The following PRIM2 variants were observed in gnomAD, a reference collection of about 807,000 sequenced individuals.
The protein encoded by PRIM2 is DNA primase large subunit.
In PRIM2, 39 loss-of-function variants were observed where a neutral mutation model predicts 67.3. That is an observed-to-expected ratio of 0.58 (90% CI 0.45 to 0.76). The LOEUF (loss-of-function observed/expected upper bound fraction) is 0.76, where lower values mean the gene tolerates loss of function less well. Ranked by LOEUF, PRIM2 falls within the 30% of genes least tolerant of loss-of-function variation. The pLI, the probability that PRIM2 is intolerant of heterozygous loss-of-function variation, is 0.00. For missense variants in PRIM2, 398 were observed against 598.7 expected, an observed-to-expected ratio of 0.66 and a Z score of 3.50; for synonymous variants, 143 against 198.7, an observed-to-expected ratio of 0.72 and a Z score of 2.36.
At chr6:57,336,063 C>T (rs1171829715) in intron 5 of PRIM2, among the ~76,000 whole-genome samples, 1 of 152,018 alleles carries the variant, frequency 6.6e-6, no homozygotes, top group African/African-American at 2.4e-5. Context: ...GTGAAGAATG[C>T]AGAAGCCTCA....
At chr6:57,273,322 A>G in the PRIM2 span, among the ~76,000 whole-genome samples, 1 of 151,988 alleles carries the variant, frequency 6.6e-6, no homozygotes, top group South Asian at 2.1e-4. Flanking sequence ...GGCTTTGTTC[A>G]TTTCTTTTTA....
chr6:57,226,618 T>G, the PRIM2 span, among the ~76,000 whole-genome samples: 1 of 152,228 alleles, frequency 6.6e-6, no homozygotes, highest in Non-Finnish European at 1.5e-5. Flanking sequence ...GATTTTTTAG[T>G]GCACAGACTA....
chr6:57,320,576 A>G lies in PRIM2; in HGVS notation c.258+16A>G. On this transcript the variant is annotated intron_variant, in intron 3 of 13. Transcript: ENST00000615550. ...TTCCTACAGAGTAAGTAAAAAAGGA[A>G]AAAAAAGTTCCTTCAGTTTCTATGC... 1 of 1,533,842 alleles carries G rather than the reference A, an allele frequency of 6.5e-7. No individual in the cohort carries two copies.
chr6:57,646,150 G>C lies in PRIM2; in HGVS notation c.1522G>C (p.Asp508His). The C allele has an allele frequency of 6.4e-7, 1 of 1,573,076 alleles. No individual in the cohort carries two copies. Among genetic ancestry groups the C allele is most frequent in the South Asian group, 1.1e-5 (1 of 89,810 alleles). Residue 508 changes from aspartate to histidine, a missense_variant, in exon 14 of 14, where the codon GAT becomes CAT. Coordinates refer to ENST00000615550, the MANE Select transcript of PRIM2 (RefSeq NM_000947.5). ...AGGACTAGAAGATTACTTTAGTGAA[G>C]ATTCTTAGGCAGTTTTATAACCCTT... ...MEGLEDYFSE[D>H]S
chr6:57,417,897 G>A (rs1435741425), intron 7 of PRIM2, among the ~76,000 whole-genome samples: 1 of 150,350 alleles, frequency 6.7e-6, no homozygotes, highest in Non-Finnish European at 1.5e-5. Flanking sequence ...GTGAAATGAG[G>A]TATGCTTGCA....
At chr6:57,458,038 T>C (rs956468138) in intron 7 of PRIM2, among the ~76,000 whole-genome samples, 1 of 152,236 alleles carries the variant, frequency 6.6e-6, no homozygotes, top group South Asian at 2.1e-4. Context: ...TACACAGTTC[T>C]TTCGTTTTCT....
At position 57,427,543 on chromosome 6, in the gene PRIM2, C is replaced by T. The variant is rs6934723; in HGVS notation, c.693+45375C>T. Among the ~76,000 whole-genome samples the T allele has an allele frequency of 5.0e-3, 762 of 152,308 alleles. 9 individuals are homozygous for T. The highest frequency in any genetic ancestry group is 0.017 in the African/African-American group (722 of 41,566). ...ATGTTGGCCAGGCTGGTCTCGAACT[C>T]CTGACCTCAAGCAATCCACCTACCT... On this transcript the variant is annotated intron_variant, in intron 7 of 13. Coordinates refer to ENST00000615550, the MANE Select transcript of PRIM2 (RefSeq NM_000947.5).
At chr6:57,223,945 T>A in the PRIM2 span, among the ~76,000 whole-genome samples, 1 of 152,166 alleles carries the variant, frequency 6.6e-6, no homozygotes, top group South Asian at 2.1e-4. Context: ...AGAATTATCG[T>A]ATGATTAAAT....
At chr6:57,242,204 C>A in the PRIM2 span, among the ~76,000 whole-genome samples, 4 of 152,234 alleles carry the variant, frequency 2.6e-5, no homozygotes, top group South Asian at 6.2e-4. Context: ...GTAAATAATT[C>A]TTTCTTTCTT....
intron 12 of PRIM2, among the ~76,000 whole-genome samples, chr6:57,627,257 G>A (rs1215658077): frequency 1.0e-5 from 1 of 98,408 alleles, no homozygotes; most frequent in African/African-American, 4.1e-5. Flanking sequence ...TCCAGCCTGG[G>A]TGACAGAGTG....
rs1775027133 is a variant in PRIM2 at position 57,537,609 on chromosome 6, A to G, written c.1004A>G (p.Lys335Arg). 10 of 1,549,122 alleles carry G rather than the reference A, an allele frequency of 6.5e-6. No individual in the cohort carries two copies. Among genetic ancestry groups the G allele is most frequent in the Admixed American group, 1.9e-5 (1 of 53,638 alleles). The change falls in exon 10 of 14, where the codon AAG becomes AGG. Residue 335 changes from lysine (K) to arginine (R), a missense_variant. Coordinates refer to ENST00000615550, the MANE Select transcript of PRIM2 (RefSeq NM_000947.5). ...TGGAAGCAAGAATTTATCAAAGGAA[A>G]GATGGATCCAGACAAGGTAATTTTG... ...QFWKQEFIKGKMDPDKFDKGY... is the reference protein window; with the variant it reads ...QFWKQEFIKGRMDPDKFDKGY...
At chr6:57,367,887 G>A (rs1207916963) in intron 5 of PRIM2, among the ~76,000 whole-genome samples, 7 of 152,204 alleles carry the variant, frequency 4.6e-5, no homozygotes, top group African/African-American at 1.7e-4. Flanking sequence ...TGTCAAAGTA[G>A]TCACAGGCCA....
intron 10 of PRIM2, among the ~76,000 whole-genome samples, chr6:57,588,151 CAG>C (rs1582006855): frequency 6.6e-6 from 1 of 152,134 alleles, no homozygotes; most frequent in South Asian, 2.1e-4. Flanking sequence ...GAGGAAGACT[CAG>C]GGGTGGGTAG....
chr6:57,376,917 G>T (rs76219306), intron 5 of PRIM2, among the ~76,000 whole-genome samples: 2 of 152,028 alleles, frequency 1.3e-5, no homozygotes, highest in African/African-American at 4.8e-5. Flanking sequence ...TCGCCTTGTC[G>T]CCCAGGCTGG....
chr6:57,275,014 T>G, the PRIM2 span, among the ~76,000 whole-genome samples: 2 of 151,550 alleles, frequency 1.3e-5, no homozygotes, highest in Non-Finnish European at 2.9e-5. Flanking sequence ...CTCAATCTCC[T>G]GATCTCGTGA....
At chr6:57,447,676 T>C (rs1772410401) in intron 7 of PRIM2, among the ~76,000 whole-genome samples, 1 of 152,188 alleles carries the variant, frequency 6.6e-6, no homozygotes, top group African/African-American at 2.4e-5. Context: ...GCAGAGTAAA[T>C]TTGTATACTG....
At chr6:57,645,412 G>A (rs1477178231) in intron 13 of PRIM2, among the ~76,000 whole-genome samples, 1 of 147,272 alleles carries the variant, frequency 6.8e-6, no homozygotes, top group Non-Finnish European at 1.5e-5. Flanking sequence ...CTAATTTTTT[G>A]TTTTGACGTA....
chr6:57,526,905 A>G (rs1260374659), intron 8 of PRIM2, among the ~76,000 whole-genome samples: 4 of 152,164 alleles, frequency 2.6e-5, no homozygotes, highest in Admixed American at 1.3e-4. Context: ...CATGAAAATA[A>G]GAATATATTT....
intron 7 of PRIM2, among the ~76,000 whole-genome samples, chr6:57,415,289 A>G (rs1315041075): frequency 1.1e-4 from 17 of 152,214 alleles, no homozygotes; most frequent in Non-Finnish European, 2.4e-4. Context: ...TTACAGGCCT[A>G]CATCAAAGAT....
Sources: gnomAD v4.1 joint callset for allele counts (sites outside exome capture counted in the v4.1 genomes callset) on GRCh38, gnomAD v4.1.1 for gene constraint, MANE v1.5 for transcripts, NCBI Gene and HGNC (gene_info 2026-07-23, HGNC 2026-07-21) for gene names.